The following FBXO4 variants were observed in gnomAD, a reference collection of about 807,000 sequenced individuals.
FBXO4 encodes the protein F-box protein 4.
FBXO4 carries 36 observed loss-of-function variants against 43.7 expected under a neutral mutation model. The ratio of observed to expected loss-of-function variants is 0.82; its 90% CI spans 0.63 to 1.09. The LOEUF (loss-of-function observed/expected upper bound fraction) is 1.09, where lower values mean the gene tolerates loss of function less well. Among genes scored for constraint, FBXO4 ranks in the 50% least tolerant of loss-of-function variants. The pLI, the probability that FBXO4 is intolerant of heterozygous loss-of-function variation, is 0.00. For missense variants in FBXO4, 435 were observed against 474.1 expected (o/e 0.92, Z 0.77); for synonymous variants, 180 against 165.6 (o/e 1.09, Z -0.67).
At chr5:42,002,772 G>A in the FBXO4 span, among the ~76,000 whole-genome samples, 53 of 152,160 alleles carry the variant, frequency 3.5e-4, no homozygotes, top group African/African-American at 1.2e-3. Flanking sequence ...CAATAAGTGC[G>A]TGAGACATAG....
the FBXO4 span, among the ~76,000 whole-genome samples, chr5:41,983,398 T>C: frequency 6.7e-6 from 1 of 148,814 alleles, no homozygotes; most frequent in Non-Finnish European, 1.5e-5. Context: ...ACTTTATTTC[T>C]GTCAACTTTA....
At chr5:41,968,526 C>T in the FBXO4 span, among the ~76,000 whole-genome samples, 1 of 152,210 alleles carries the variant, frequency 6.6e-6, no homozygotes, top group Non-Finnish European at 1.5e-5. Context: ...GACACAGTCT[C>T]CCAGCAGGGG....
the FBXO4 span, among the ~76,000 whole-genome samples, chr5:42,003,997 T>G: frequency 7.2e-5 from 11 of 152,272 alleles, no homozygotes; most frequent in East Asian, 2.1e-3. Context: ...AATGATAGAC[T>G]GGATTAAGAA....
intron 2 of FBXO4, among the ~76,000 whole-genome samples, chr5:41,928,322 G>A (rs1021500998): frequency 6.6e-6 from 1 of 151,458 alleles, no homozygotes; most frequent in Non-Finnish European, 1.5e-5. Context: ...ACAACCCTGA[G>A]TTATTTCTTT....
At chr5:42,019,674 G>A in the FBXO4 span, among the ~76,000 whole-genome samples, 10 of 147,168 alleles carry the variant, frequency 6.8e-5, no homozygotes, top group African/African-American at 1.0e-4. Context: ...GCCTGGGTGA[G>A]ACAGAGCAAG....
downstream of FBXO4, among the ~76,000 whole-genome samples, chr5:41,944,578 A>G (rs1752050257): frequency 6.6e-6 from 1 of 152,220 alleles, no homozygotes; most frequent in African/African-American, 2.4e-5. Context: ...AAGTCAGATA[A>G]AAAATGAGAC....
chr5:41,978,365 T>C, the FBXO4 span, among the ~76,000 whole-genome samples: 2 of 152,130 alleles, frequency 1.3e-5, no homozygotes, highest in Non-Finnish European at 2.9e-5. Context: ...TCAAACTCTA[T>C]TACTTAGAAA....
chr5:42,033,242 A>G, the FBXO4 span, among the ~76,000 whole-genome samples: 1 of 152,136 alleles, frequency 6.6e-6, no homozygotes, highest in Non-Finnish European at 1.5e-5. Context: ...AGCAGGTTGC[A>G]TCTTCCCACA....
the FBXO4 span, chr5:41,967,670 G>A: frequency 2.9e-6 from 2 of 696,362 alleles, no homozygotes; most frequent in African/African-American, 3.5e-5. Context: ...TGGAGTAGCT[G>A]GTATACGGAA....
chr5:41,932,699 T>C (rs531996542), intron 3 of FBXO4, among the ~76,000 whole-genome samples: 6 of 152,232 alleles, frequency 3.9e-5, no homozygotes, highest in South Asian at 4.1e-4. Context: ...CAAGAAGATA[T>C]AGGAGACTGG....
chr5:42,026,703 C>T, the FBXO4 span, among the ~76,000 whole-genome samples: 1 of 151,760 alleles, frequency 6.6e-6, no homozygotes. Flanking sequence ...GGGTTTGTCA[C>T]ATATGGCTTC....
chr5:41,992,246 G>A, the FBXO4 span, among the ~76,000 whole-genome samples: 5 of 152,184 alleles, frequency 3.3e-5, no homozygotes, highest in Non-Finnish European at 7.3e-5. Flanking sequence ...ACTAATAATA[G>A]TGTAAGCAGT....
chr5:41,976,431 C>T, the FBXO4 span, among the ~76,000 whole-genome samples: 7 of 152,146 alleles, frequency 4.6e-5, no homozygotes, highest in Non-Finnish European at 1.0e-4. Context: ...TCACTTTCTT[C>T]CAAGATAAGA....
At chr5:42,028,586 C>T in the FBXO4 span, among the ~76,000 whole-genome samples, 1 of 151,362 alleles carries the variant, frequency 6.6e-6, no homozygotes, top group South Asian at 2.1e-4. Context: ...TCTGGTTGTC[C>T]TGTGCTCATC....
At chr5:41,976,317 C>G in the FBXO4 span, among the ~76,000 whole-genome samples, 1 of 152,182 alleles carries the variant, frequency 6.6e-6, no homozygotes, top group Non-Finnish European at 1.5e-5. Context: ...TTGTTCCAGA[C>G]TTAACTTAAA....
chr5:42,011,392 A>G, the FBXO4 span, among the ~76,000 whole-genome samples: 1 of 152,172 alleles, frequency 6.6e-6, no homozygotes, highest in Non-Finnish European at 1.5e-5. Flanking sequence ...CATGCCCATT[A>G]CCAGAAAGCA....
chr5:41,929,632 A>T, intron 2 of FBXO4, 65 bp from the exon 3 acceptor site: 1 of 1,197,150 alleles, frequency 8.4e-7, no homozygotes, highest in Middle Eastern at 2.0e-4. Flanking sequence ...AATAAATTAT[A>T]TATTTTTGAA....
the FBXO4 span, chr5:41,952,238 C>G: frequency 6.5e-6 from 1 of 154,574 alleles, no homozygotes; most frequent in South Asian, 2.0e-4. Context: ...TAGAACAACT[C>G]CATATGGATC....
At chr5:42,027,970 T>A in the FBXO4 span, among the ~76,000 whole-genome samples, 2 of 151,948 alleles carry the variant, frequency 1.3e-5, no homozygotes, top group African/African-American at 4.8e-5. Context: ...TCATTGAGAA[T>A]GACCCATGTG....
Sources: allele counts gnomAD v4.1 joint callset (sites outside exome capture counted in the v4.1 genomes callset), GRCh38; gene constraint gnomAD v4.1.1; transcripts MANE v1.5; gene names NCBI Gene and HGNC (gene_info 2026-07-23, HGNC 2026-07-21).